The following RGS7 variants were observed in gnomAD, a reference collection of about 807,000 sequenced individuals.
RGS7 encodes regulator of G-protein signaling 7.
In RGS7, 27 loss-of-function variants were observed where a neutral mutation model predicts 81.1. The ratio of observed to expected loss-of-function variants is 0.33; its 90% CI spans 0.25 to 0.46. The LOEUF (loss-of-function observed/expected upper bound fraction) is 0.46. RGS7 is among the 20% of genes least tolerant of loss of function. The probability of loss-of-function intolerance (pLI) is 1.00; values close to 1 mark genes in which losing one functional copy is unlikely to be tolerated. For missense variants in RGS7, 396 were observed against 607.4 expected, an observed-to-expected ratio of 0.65 and a Z score of 3.66; for synonymous variants, 208 against 207.7, an observed-to-expected ratio of 1.00 and a Z score of -0.01.
At chr1:241,141,746 G>A (rs557282096) in intron 2 of RGS7, among the ~76,000 whole-genome samples, 61 of 152,294 alleles carry the variant, frequency 4.0e-4, no homozygotes, top group African/African-American at 1.4e-3. Context: ...AGATTTGGGT[G>A]GGGATACAGA....
At chr1:241,140,710 C>A (rs2067864267) in intron 2 of RGS7, among the ~76,000 whole-genome samples, 1 of 152,202 alleles carries the variant, frequency 6.6e-6, no homozygotes, top group Admixed American at 6.5e-5. Flanking sequence ...TATGCCCAAT[C>A]TGGACAGAGC....
chr1:241,247,117 T>C (rs2076586304), intron 2 of RGS7, among the ~76,000 whole-genome samples: 1 of 152,156 alleles, frequency 6.6e-6, no homozygotes, highest in Non-Finnish European at 1.5e-5. Flanking sequence ...GAGACACACC[T>C]GGCACATTTG....
chr1:241,286,621 C>T lies in RGS7; in HGVS notation c.78+69078G>A, dbSNP rs1005101054. Among the ~76,000 whole-genome samples, 18 of 152,274 alleles carry T rather than the reference C, an allele frequency of 1.2e-4. 1 individual carries two copies. In the South Asian group the frequency reaches 3.1e-3, roughly 26 times the overall value. On this transcript the variant is annotated intron_variant, in intron 2 of 18. Coordinates refer to ENST00000440928, the MANE Select transcript of RGS7 (RefSeq NM_001364886.1). ...CCCAGGAATCAGTCTGATTCAACCT[C>T]GGAACTCCTCCTTCTCCTTTCCATT...
intron 2 of RGS7, among the ~76,000 whole-genome samples, chr1:241,275,499 A>T (rs2148369590): frequency 6.6e-6 from 1 of 152,220 alleles, no homozygotes; most frequent in South Asian, 2.1e-4. Context: ...CTATGACTTG[A>T]TTCTTTAGAA....
At chr1:241,230,359 G>A (rs1323778133) in intron 2 of RGS7, among the ~76,000 whole-genome samples, 2 of 152,030 alleles carry the variant, frequency 1.3e-5, no homozygotes, top group African/African-American at 2.4e-5. Flanking sequence ...GACTACAGGT[G>A]TGTGCCACCA....
chr1:240,859,817 T>A (rs1000453053), intron 9 of RGS7, among the ~76,000 whole-genome samples: 3 of 152,214 alleles, frequency 2.0e-5, no homozygotes, highest in Admixed American at 1.3e-4. Flanking sequence ...ATTTTAGATC[T>A]TTCTTTCTTC....
chr1:241,207,248 TTC>T (rs149671121), intron 2 of RGS7, among the ~76,000 whole-genome samples: 5 of 149,790 alleles, frequency 3.3e-5, no homozygotes, highest in Admixed American at 2.7e-4. Flanking sequence ...GTTTCTTTCT[TTC>T]TCTCTCTCTC....
intron 2 of RGS7, among the ~76,000 whole-genome samples, chr1:241,259,667 A>AAAATAT: frequency 1.6e-4 from 8 of 49,140 alleles, no homozygotes; most frequent in South Asian, 1.1e-3. Flanking sequence ...AAAAAAAAAA[A>AAAATAT]ATATATATAT....
At chr1:240,916,315 G>C (rs1403552987) in intron 6 of RGS7, among the ~76,000 whole-genome samples, 1 of 149,792 alleles carries the variant, frequency 6.7e-6, no homozygotes, top group African/African-American at 2.5e-5. Flanking sequence ...AGAGAGGACA[G>C]AACAGAATGT....
intron 15 of RGS7, 107 bp from the exon 16 acceptor site, chr1:240,803,100 A>T (rs1428340700): frequency 2.6e-6 from 2 of 769,830 alleles, no homozygotes; most frequent in African/African-American, 3.4e-5. Context: ...AGCGAAAAAT[A>T]GTAATAACAA....
chr1:240,997,936 G>A lies in RGS7; in HGVS notation c.176-14807C>T, dbSNP rs182257257. Among the ~76,000 whole-genome samples the A allele has an allele frequency of 7.2e-5, 11 of 152,208 alleles. No individual in the cohort carries two copies. The East Asian group carries it at 1.9e-3, about 27-fold the overall frequency. On this transcript the variant is annotated intron_variant, in intron 3 of 18. Transcript: ENST00000440928. ...ATATTCCAAGGTTCCTTTTCTTATC[G>A]TTTCCCTTTTATTTAGAAAATTCCT...
intron 2 of RGS7, among the ~76,000 whole-genome samples, chr1:241,309,114 C>T (rs972526825): frequency 2.4e-4 from 37 of 152,168 alleles, no homozygotes; most frequent in African/African-American, 8.2e-4. Context: ...AGTCCAGGCG[C>T]GGTGGCTCAC....
At position 240,775,653 on chromosome 1, in the gene RGS7, A is replaced by G. The variant is rs913187135; in HGVS notation, c.*567T>C. ...TGGTATAAAAATAAATGCGAGAAAC[A>G]TTAACGGAGAATGTACAGACAACAG... On this transcript the variant is annotated 3_prime_UTR_variant, in exon 19 of 19. Coordinates refer to ENST00000440928, the MANE Select transcript of RGS7 (RefSeq NM_001364886.1). The G allele has an allele frequency of 6.4e-6, 1 of 157,420 alleles. No homozygotes were observed. The highest frequency in any genetic ancestry group is 6.1e-5 in the Admixed American group (1 of 16,498). The allele number at this position is 157,420 out of a possible 1,614,324, so 9.8% of individuals were successfully genotyped here.
chr1:241,178,423 C>A (rs559443049), intron 2 of RGS7, among the ~76,000 whole-genome samples: 1 of 152,306 alleles, frequency 6.6e-6, no homozygotes, highest in African/African-American at 2.4e-5. Flanking sequence ...ATAGAACCAG[C>A]TGTGATCACT....
At chr1:241,132,342 T>C (rs2067160283) in intron 2 of RGS7, 2 of 154,904 alleles carry the variant, frequency 1.3e-5, no homozygotes, top group Admixed American at 1.3e-4. Flanking sequence ...TAATCATGTA[T>C]CCATGATTCA....
At chr1:241,001,955 T>C (rs1688206822) in intron 3 of RGS7, among the ~76,000 whole-genome samples, 1 of 152,016 alleles carries the variant, frequency 6.6e-6, no homozygotes, top group Non-Finnish European at 1.5e-5. Flanking sequence ...TAATGACGCG[T>C]CAGTGCGATA....
intron 3 of RGS7, among the ~76,000 whole-genome samples, chr1:241,088,364 C>T (rs2492996): frequency 0.24 from 36,732 of 151,704 alleles, 6,015 homozygotes; most frequent in African/African-American, 0.46. Flanking sequence ...TTTTGGCATA[C>T]TGATTATTCT....
chr1:240,858,553 C>A (rs1572449614), intron 9 of RGS7, among the ~76,000 whole-genome samples: 1 of 152,188 alleles, frequency 6.6e-6, no homozygotes, highest in East Asian at 1.9e-4. Flanking sequence ...ATCCTTTGTC[C>A]ATTTTTAATT....
intron 2 of RGS7, among the ~76,000 whole-genome samples, chr1:241,178,884 A>C (rs866291317): frequency 2.0e-5 from 3 of 152,202 alleles, no homozygotes; most frequent in Middle Eastern, 3.2e-3. Flanking sequence ...CTATTGTAAG[A>C]TTGATATGCA....
Sources: gnomAD v4.1 joint callset for allele counts (sites outside exome capture counted in the v4.1 genomes callset) on GRCh38, gnomAD v4.1.1 for gene constraint, MANE v1.5 for transcripts, NCBI Gene and HGNC (gene_info 2026-07-23, HGNC 2026-07-21) for gene names.